Variants in ABCG5 observed in about 807,000 individuals in gnomAD.
ABCG5 encodes ATP binding cassette subfamily G member 5.
A neutral mutation model predicts 64.5 loss-of-function variants in ABCG5; 64 were observed. The ratio of observed to expected loss-of-function variants is 0.99; its 90% CI spans 0.81 to 1.22. The LOEUF (loss-of-function observed/expected upper bound fraction) is 1.22. Among genes scored for constraint, ABCG5 ranks in the 50% most tolerant of loss-of-function variants. The pLI is 0.00. For synonymous variants in ABCG5, 385 were observed against 326.3 expected, an observed-to-expected ratio of 1.18 and a Z score of -1.94; for missense variants, 908 against 829.5, an observed-to-expected ratio of 1.09 and a Z score of -1.16.
At chr2:43,813,778 C>T (rs1406313408) in intron 12 of ABCG5, among the ~76,000 whole-genome samples, 1 of 122,382 alleles carries the variant, frequency 8.2e-6, no homozygotes, top group African/African-American at 3.2e-5. Context: ...AGTGCAGTGG[C>T]TCGATCTGGG....
intron 6 of ABCG5, 94 bp from the exon 7 acceptor site, chr2:43,825,112 G>T: frequency 6.7e-7 from 1 of 1,488,466 alleles, no homozygotes; most frequent in Non-Finnish European, 9.2e-7. Flanking sequence ...CCAAGGTCAG[G>T]TATTCCTTAT....
chr2:43,820,051 C>A lies in ABCG5; in HGVS notation c.1513G>T (p.Ala505Ser). The stretch of plus-strand genomic sequence containing the variant: ...CCAATTAAGTGGGGGGCCAAGAGAG[C>A]AGCAGAAAAATATCCAAATCGGGCA... ...EVARFGYFSA[A>S]LLAPHLIGEF... The change falls in exon 11 of 13, where the codon GCT becomes TCT. Residue 505 changes from alanine to serine, a missense_variant. Coordinates refer to ENST00000405322, the MANE Select transcript of ABCG5 (RefSeq NM_022436.3). The A allele has an allele frequency of 6.2e-7, 1 of 1,614,154 alleles. No homozygotes were observed. Among genetic ancestry groups the A allele is most frequent in the Non-Finnish European group, 8.5e-7 (1 of 1,180,034 alleles).
At chr2:43,812,319 CTTT>C (rs535572680), downstream of ABCG5, among the ~76,000 whole-genome samples, 27 of 115,282 alleles carry the variant, frequency 2.3e-4, no homozygotes, top group East Asian at 1.9e-3. Context: ...ACTTGTAATT[CTTT>C]TTTTTTTTTT....
At chr2:43,825,170 C>T (rs958165628) in intron 6 of ABCG5, 152 bp from the exon 7 acceptor site, 17 of 865,252 alleles carry the variant, frequency 2.0e-5, no homozygotes, top group African/African-American at 8.5e-5. Flanking sequence ...GCAGTCAGTC[C>T]TTCGATGACC....
At chr2:43,815,035 A>G (rs754693078) in intron 11 of ABCG5, among the ~76,000 whole-genome samples, 2 of 152,192 alleles carry the variant, frequency 1.3e-5, no homozygotes, top group African/African-American at 2.4e-5. Context: ...GGTAAGCACT[A>G]CTGATATAAA....
In ABCG5 at chr2:43,824,927, T is replaced by G. The variant is rs759892269; in HGVS notation, c.866A>C (p.Tyr289Ser). ...EMLDFFNDCG[Y>S]PCPEHSNPFD... ...AGGGTTTGAATGTTCAGGACAAGGG[T>G]AACCGCAGTCATTGAAGAAATCAAG... The change falls in exon 7 of 13, where the codon TAC (tyrosine) becomes TCC (serine). Residue 289 changes from tyrosine (Y) to serine (S), a missense_variant. Physicochemically the swap from Tyr to Ser is moderately radical, Grantham distance 144 (BLOSUM62 -2). Transcript: ENST00000405322. 4.3e-6 allele frequency: 7 copies of G among 1,613,970 alleles called. No individual in the cohort carries two copies. Among genetic ancestry groups the G allele is most frequent in the Non-Finnish European group, 5.9e-6 (7 of 1,179,990 alleles).
At chr2:43,829,975 A>G (rs1667864856) in intron 4 of ABCG5, among the ~76,000 whole-genome samples, 1 of 152,226 alleles carries the variant, frequency 6.6e-6, no homozygotes, top group Admixed American at 6.5e-5. Flanking sequence ...TATATTCTGG[A>G]ACAAAAGAAA....
downstream of ABCG5, among the ~76,000 whole-genome samples, chr2:43,810,178 C>T (rs568519791): frequency 1.1e-4 from 16 of 152,248 alleles, no homozygotes; most frequent in African/African-American, 3.1e-4. Context: ...GGGAGGAAAC[C>T]GGAATTGGGT....
At chr2:43,834,496 T>C (rs1668139631) in intron 2 of ABCG5, among the ~76,000 whole-genome samples, 1 of 152,214 alleles carries the variant, frequency 6.6e-6, no homozygotes, top group Non-Finnish European at 1.5e-5. Context: ...AGCCACTAAA[T>C]TTTGGGATAC....
chr2:43,826,653 G>T, intron 5 of ABCG5, 132 bp from the exon 6 acceptor site: 1 of 1,389,780 alleles, frequency 7.2e-7, no homozygotes, highest in Non-Finnish European at 1.0e-6. Flanking sequence ...AAGTAAACAT[G>T]TAAACTGGCT....
Position 43,812,975 on chromosome 2 carries a change from GA to G in ABCG5, c.*140del. The G allele has an allele frequency of 1.5e-6, 1 of 677,466 alleles. No individual in the cohort carries two copies. The highest frequency in any genetic ancestry group is 2.7e-6 in the Non-Finnish European group (1 of 368,910). The allele number at this position is 677,466 out of a possible 1,614,324, so 42.0% of individuals were successfully genotyped here. ...GCATTCAAGGCCTGCTTGGATCCAA[GA>G]GGCACAAATGGAGTCTTAATGGTTA... is the stretch of plus-strand genomic sequence containing the variant. On this transcript the variant is annotated 3_prime_UTR_variant, in exon 13 of 13. Coordinates refer to ENST00000405322, the MANE Select transcript of ABCG5 (RefSeq NM_022436.3).
At chr2:43,810,289 G>C (rs577369001), downstream of ABCG5, 840 of 877,628 alleles carry the variant, frequency 9.6e-4, 5 homozygotes, top group South Asian at 0.015. Context: ...GTCGCCATCA[G>C]TGGTCTGGAA....
chr2:43,833,790 T>C (rs1334867903), intron 2 of ABCG5, among the ~76,000 whole-genome samples: 1 of 152,188 alleles, frequency 6.6e-6, no homozygotes, highest in African/African-American at 2.4e-5. Context: ...GTTCAAACAA[T>C]TATCTTGCCT....
chr2:43,820,901 A>G (rs1667152767), intron 10 of ABCG5, among the ~76,000 whole-genome samples: 1 of 152,066 alleles, frequency 6.6e-6, no homozygotes, highest in Admixed American at 6.6e-5. Flanking sequence ...TGATCTGCCC[A>G]TCTCAGCCTC....
At chr2:43,814,442 C>T (rs1666686353) in intron 12 of ABCG5, 35 bp downstream of exon 12, 1 of 1,376,616 alleles carries the variant, frequency 7.3e-7, no homozygotes, top group African/African-American at 1.4e-5. Flanking sequence ...CTCAGAGTAA[C>T]ATGCAAAAAT....
Position 43,831,751 on chromosome 2 carries a change from G to A in ABCG5, c.501+18C>T. The A allele has an allele frequency of 6.4e-7, 1 of 1,562,566 alleles. No individual in the cohort carries two copies. The highest frequency in any genetic ancestry group is 8.7e-7 in the Non-Finnish European group (1 of 1,154,944). ...AAGGTACTCAGTTTGCCCTCTGTGA[G>A]CGGGGGGCTGCACCCACCTTCTTCT... On this transcript the variant is annotated intron_variant, in intron 4 of 12. Transcript: ENST00000405322.
At chr2:43,811,953 T>C (rs1666500319), downstream of ABCG5, among the ~76,000 whole-genome samples, 1 of 152,200 alleles carries the variant, frequency 6.6e-6, no homozygotes, top group African/African-American at 2.4e-5. Context: ...GTAATACAGG[T>C]GTCTGTATTT....
intron 2 of ABCG5, among the ~76,000 whole-genome samples, chr2:43,837,135 T>A (rs74763908): frequency 1.3e-4 from 20 of 151,750 alleles, no homozygotes; most frequent in Admixed American, 3.3e-4. Context: ...TTTTTTTTTT[T>A]TTGAGACAGG....
chr2:43,838,866 A>G, upstream of ABCG5: 1 of 1,243,150 alleles, frequency 8.0e-7, no homozygotes, highest in Non-Finnish European at 1.1e-6. This position sits in a 1 kb window ranked among gnomAD's most constrained non-coding sequence, Gnocchi z 4.2. Flanking sequence ...GCGCGTCCTT[A>G]TCTTGACAGT....
Sources: gnomAD v4.1 joint callset for allele counts (sites outside exome capture counted in the v4.1 genomes callset) on GRCh38, gnomAD v4.1.1 for gene constraint, Gnocchi (gnomAD v3.1) non-coding constraint, MANE v1.5 for transcripts, NCBI Gene and HGNC (gene_info 2026-07-23, HGNC 2026-07-21) for gene names.